Variants in UTY observed in about 807,000 individuals in gnomAD.
The protein encoded by UTY is histone demethylase UTY.
UTY carries 12 observed loss-of-function variants against 32.5 expected under a neutral mutation model. The observed-to-expected ratio is 0.37, with a 90% CI of 0.24 to 0.60. The LOEUF (loss-of-function observed/expected upper bound fraction) is 0.60, where lower values mean the gene tolerates loss of function less well. Ranked by LOEUF, UTY falls within the 20% of genes least tolerant of loss-of-function variation. The pLI, the probability that UTY is intolerant of heterozygous loss-of-function variation, is 0.69. For missense variants in UTY, 303 were observed against 299.2 expected, an observed-to-expected ratio of 1.01 and a Z score of -0.09; for synonymous variants, 131 against 103.4, an observed-to-expected ratio of 1.27 and a Z score of -1.62.
At chrY:13,323,902 G>T in intron 20 of UTY, 142 bp from the exon 21 acceptor site, 1 of 152,519 alleles carries the variant, frequency 6.6e-6, no homozygotes, top group Non-Finnish European at 1.2e-5. Flanking sequence ...GGTCCTTGAA[G>T]CTCTGGCTAT....
At chrY:13,281,842 G>C in intron 27 of UTY, among the ~76,000 whole-genome samples, 1 of 32,889 alleles carries the variant, frequency 3.0e-5, no homozygotes, top group Non-Finnish European at 7.4e-5. Context: ...TTTCAGCGTA[G>C]GGCAAGTCAG....
At chrY:13,313,072 A>G (rs2059286386) in intron 21 of UTY, among the ~76,000 whole-genome samples, 1 of 33,230 alleles carries the variant, frequency 3.0e-5, no homozygotes, top group Non-Finnish European at 7.4e-5. Flanking sequence ...TGGAAAACAG[A>G]GCATTCTACA....
intron 3 of UTY, among the ~76,000 whole-genome samples, chrY:13,464,895 G>A (rs778521918): frequency 8.4e-4 from 27 of 32,254 alleles, no homozygotes; most frequent in African/African-American, 3.3e-3. Flanking sequence ...TGGCTAACAC[G>A]GTGAAACCCC....
chrY:13,388,746 A>G (rs993806749), intron 8 of UTY, among the ~76,000 whole-genome samples: 12 of 31,945 alleles, frequency 3.8e-4, no homozygotes, highest in Non-Finnish European at 6.9e-4. Flanking sequence ...CTCCACAAAT[A>G]CCCACGTGTC....
intron 6 of UTY, among the ~76,000 whole-genome samples, chrY:13,402,398 G>T: frequency 3.0e-5 from 1 of 33,503 alleles, no homozygotes; most frequent in Non-Finnish European, 7.4e-5. Context: ...AACCATGTTT[G>T]TGAAGACATG....
chrY:13,269,171 G>C, intron 27 of UTY, among the ~76,000 whole-genome samples: 1 of 33,382 alleles, frequency 3.0e-5, no homozygotes, highest in Non-Finnish European at 7.4e-5. Flanking sequence ...ATAAGCCCCT[G>C]ATTGGTGTTG....
intron 21 of UTY, among the ~76,000 whole-genome samples, chrY:13,315,298 C>T: frequency 2.9e-5 from 1 of 34,283 alleles, no homozygotes; most frequent in East Asian, 7.7e-4. Context: ...ATTTGTGAAA[C>T]GTATTTTGAA....
At chrY:13,234,923 C>T in intron 28 of UTY, 19 of 98,221 alleles carry the variant, frequency 1.9e-4, no homozygotes, top group South Asian at 9.3e-4. Flanking sequence ...GGGGCCTCAC[C>T]AGGGGCCCAC....
At chrY:13,402,795 G>A (rs540972120) in intron 6 of UTY, among the ~76,000 whole-genome samples, 20 of 32,884 alleles carry the variant, frequency 6.1e-4, no homozygotes, top group Admixed American at 8.2e-4. Context: ...TTTTTGTACT[G>A]GATATAAAGA....
intron 8 of UTY, among the ~76,000 whole-genome samples, chrY:13,380,098 T>C (rs112383283): frequency 0.032 from 347 of 10,968 alleles, no homozygotes; most frequent in South Asian, 0.12. Context: ...TATATATATA[T>C]ACACACACAT....
intron 6 of UTY, among the ~76,000 whole-genome samples, chrY:13,407,732 A>G: frequency 3.0e-5 from 1 of 33,217 alleles, no homozygotes; most frequent in Non-Finnish European, 7.6e-5. Context: ...ACTATATTAA[A>G]GCTGAATTAA....
At chrY:13,254,853 G>C (rs1024153035) in intron 28 of UTY, among the ~76,000 whole-genome samples, 3 of 33,476 alleles carry the variant, frequency 9.0e-5, no homozygotes, top group African/African-American at 3.5e-4. Flanking sequence ...TGCCATATGT[G>C]GGAATGGGAA....
chrY:13,360,077 C>A, intron 11 of UTY, 91 bp from the exon 12 acceptor site: 1 of 266,062 alleles, frequency 3.8e-6, no homozygotes, highest in South Asian at 3.9e-5. Context: ...ACACTGTCTC[C>A]CAGGCTGGAG....
At chrY:13,423,849 G>C in intron 4 of UTY, among the ~76,000 whole-genome samples, 1 of 32,671 alleles carries the variant, frequency 3.1e-5, no homozygotes, top group African/African-American at 1.2e-4. Flanking sequence ...TGTTAGCAAG[G>C]CCCAACAGGA....
chrY:13,412,892 C>T (rs2071144476), intron 5 of UTY, among the ~76,000 whole-genome samples: 1 of 33,764 alleles, frequency 3.0e-5, no homozygotes. Flanking sequence ...AAATTCTTTA[C>T]CAGTGTTATC....
chrY:13,367,168 G>A (rs2064283402), intron 9 of UTY, among the ~76,000 whole-genome samples: 1 of 33,031 alleles, frequency 3.0e-5, no homozygotes, highest in Non-Finnish European at 7.4e-5. Context: ...AGCTGCTTTC[G>A]GACTTTTACC....
chrY:13,240,260 TA>T (rs755818961), intron 28 of UTY, among the ~76,000 whole-genome samples: 38 of 23,121 alleles, frequency 1.6e-3, no homozygotes, highest in Middle Eastern at 0.021. Flanking sequence ...CACAGGCAGG[TA>T]AAAAAAAAAA....
chrY:13,444,565 G>A (rs2075494562), intron 4 of UTY, among the ~76,000 whole-genome samples: 1 of 33,699 alleles, frequency 3.0e-5, no homozygotes, highest in African/African-American at 1.2e-4. Flanking sequence ...TGGGTGAAAT[G>A]TACATTATTT....
At chrY:13,445,243 TAATA>T (rs2075601057) in intron 4 of UTY, among the ~76,000 whole-genome samples, 2 of 1,553 alleles carry the variant, frequency 1.3e-3, no homozygotes, top group Non-Finnish European at 2.6e-3. Flanking sequence ...GTTTTTAAAA[TAATA>T]TATATATATA....
Sources: gnomAD v4.1 joint callset for allele counts (sites outside exome capture counted in the v4.1 genomes callset) on GRCh38, gnomAD v4.1.1 for gene constraint, MANE v1.5 for transcripts, NCBI Gene and HGNC (gene_info 2026-07-23, HGNC 2026-07-21) for gene names.